The following FGF2 variants were observed in gnomAD, a reference collection of about 807,000 sequenced individuals.
FGF2 encodes fibroblast growth factor 2.
Under a neutral mutation model 15.9 loss-of-function variants are expected in FGF2, and 13 were observed. The ratio of observed to expected loss-of-function variants is 0.82; its 90% CI spans 0.53 to 1.30. FGF2 has a LOEUF of 1.30. FGF2 is among the 50% of genes most tolerant of loss of function. The pLI, the probability that FGF2 is intolerant of heterozygous loss-of-function variation, is 0.00. For missense variants in FGF2, 163 were observed against 196.9 expected (o/e 0.83, Z 1.03); for synonymous variants, 90 against 78.4 (o/e 1.15, Z -0.78).
At chr4:122,869,638 G>A (rs568627299) in intron 1 of FGF2, among the ~76,000 whole-genome samples, 3 of 152,208 alleles carry the variant, frequency 2.0e-5, no homozygotes, top group East Asian at 3.9e-4. Context: ...CTCTCTGCTT[G>A]TCTATTGTTG....
rs1054167739 is a variant in FGF2 at position 122,895,587 on chromosome 4, G to A, written c.*3191G>A. 1 of 152,120 alleles carries A rather than the reference G, an allele frequency of 6.6e-6. No homozygotes were observed. The highest frequency in any genetic ancestry group is 2.4e-5 in the African/African-American group (1 of 41,408). 9.4% of individuals were successfully genotyped at this position (152,120 alleles called of 1,614,324 possible). ...GCAGCAGATACTCTTCCTGCCAGTG[G>A]TAATACGATTTTTTAAGAAGGCAGT... On this transcript the variant is annotated 3_prime_UTR_variant, in exon 3 of 3. Transcript: ENST00000644866.
intron 1 of FGF2, among the ~76,000 whole-genome samples, chr4:122,863,464 G>C (rs1726513202): frequency 6.6e-6 from 1 of 152,068 alleles, no homozygotes; most frequent in South Asian, 2.1e-4. Context: ...GAACAGGCAT[G>C]GCTGTTTCAT....
chr4:122,876,950 T>C (rs1440352388), intron 2 of FGF2, among the ~76,000 whole-genome samples: 2 of 152,132 alleles, frequency 1.3e-5, no homozygotes, highest in Non-Finnish European at 2.9e-5. Flanking sequence ...ACCTGTAAAA[T>C]AGAAACAATG....
intron 1 of FGF2, among the ~76,000 whole-genome samples, chr4:122,833,354 T>C (rs1725803017): frequency 6.6e-6 from 1 of 152,212 alleles, no homozygotes; most frequent in Non-Finnish European, 1.5e-5. Context: ...GAATATTAAG[T>C]GTATGTTCCA....
At chr4:122,881,041 C>T (rs1726952043) in intron 2 of FGF2, among the ~76,000 whole-genome samples, 1 of 152,210 alleles carries the variant, frequency 6.6e-6, no homozygotes, top group Non-Finnish European at 1.5e-5. Context: ...GATGCTTGCA[C>T]CCTCTGAAGC....
chr4:122,878,733 T>G (rs1264448302), intron 2 of FGF2, among the ~76,000 whole-genome samples: 1 of 152,210 alleles, frequency 6.6e-6, no homozygotes, highest in Non-Finnish European at 1.5e-5. Flanking sequence ...CAAGTCATGT[T>G]CTGATCCTGG....
intron 1 of FGF2, among the ~76,000 whole-genome samples, chr4:122,853,801 C>A (rs2926171): frequency 0.1 from 15,163 of 152,158 alleles, 1,744 homozygotes; most frequent in African/African-American, 0.28. Flanking sequence ...AGAATATAAG[C>A]AAAACTTACC....
At position 122,876,342 on chromosome 4, in the gene FGF2, A is replaced by AAG; in HGVS notation, c.207_208dup (p.Gly70GlufsTer17). On this transcript the variant is annotated frameshift_variant, in exon 2 of 3. Coordinates refer to ENST00000644866, the MANE Select transcript of FGF2 (RefSeq NM_001361665.2). LOFTEE classifies it high-confidence loss of function. ...ACAGTCAAGCTACAACTTCAAGCAGAAGAGAGAGGAGTTGTGTCTATCAAA... is the reference window on the plus strand; with the variant it reads ...ACAGTCAAGCTACAACTTCAAGCAGAAGAGAGAGAGGAGTTGTGTCTATCAAA... 6.2e-7 allele frequency: 1 copy of AAG among 1,612,342 alleles called. No homozygotes were observed. Among genetic ancestry groups the AAG allele is most frequent in the South Asian group, 1.1e-5 (1 of 91,032 alleles).
At chr4:122,828,170 C>T (rs922554391) in intron 1 of FGF2, among the ~76,000 whole-genome samples, 1 of 152,170 alleles carries the variant, frequency 6.6e-6, no homozygotes, top group African/African-American at 2.4e-5. Context: ...CTAGAAAGAA[C>T]ACTGGCCTAA....
At chr4:122,842,787 C>T (rs1332962281) in intron 1 of FGF2, among the ~76,000 whole-genome samples, 1 of 152,128 alleles carries the variant, frequency 6.6e-6, no homozygotes, top group African/African-American at 2.4e-5. Flanking sequence ...CTGCTTCTAG[C>T]AAGTATAATA....
intron 1 of FGF2, among the ~76,000 whole-genome samples, chr4:122,864,822 G>T (rs1049650673): frequency 6.6e-6 from 1 of 151,948 alleles, no homozygotes; most frequent in Non-Finnish European, 1.5e-5. Context: ...TCATGAATGT[G>T]CTTATTTTCA....
chr4:122,828,684 A>G (rs1725699565), intron 1 of FGF2, among the ~76,000 whole-genome samples: 1 of 152,240 alleles, frequency 6.6e-6, no homozygotes, highest in African/African-American at 2.4e-5. Context: ...TGCTTCCAAA[A>G]TAGCAACCTG....
intron 1 of FGF2, among the ~76,000 whole-genome samples, chr4:122,845,977 C>A (rs895537046): frequency 6.6e-6 from 1 of 152,170 alleles, no homozygotes; most frequent in African/African-American, 2.4e-5. Flanking sequence ...TAGGCTTAAT[C>A]ATTTCTAGAT....
In FGF2 at chr4:122,897,847, T is replaced by C. The variant is rs1012433660; in HGVS notation, c.*5451T>C. On this transcript the variant is annotated 3_prime_UTR_variant, in exon 3 of 3. Transcript: ENST00000644866. The stretch of plus-strand genomic sequence containing the variant: ...ATCCTTTCTCCCTCGTTTCTTCTTT[T>C]TTTGGGGGAGCTGGTAACTGATGAA... 46 of 595,536 alleles carry C rather than the reference T, an allele frequency of 7.7e-5. No homozygotes were observed. Among genetic ancestry groups the C allele is most frequent in the Middle Eastern group, 4.4e-4 (1 of 2,264 alleles). 36.9% of individuals were successfully genotyped at this position (595,536 alleles called of 1,614,324 possible). A position where few individuals can be genotyped will look rare whatever the true frequency, so the allele number is the denominator to read the frequency against.
chr4:122,838,602 G>A (rs1205990705), intron 1 of FGF2, among the ~76,000 whole-genome samples: 1 of 152,142 alleles, frequency 6.6e-6, no homozygotes, highest in East Asian at 1.9e-4. Context: ...ATTCCGCATG[G>A]ACAAACTAGC....
chr4:122,838,289 G>A (rs1428037002), intron 1 of FGF2, among the ~76,000 whole-genome samples: 1 of 152,170 alleles, frequency 6.6e-6, no homozygotes, highest in African/African-American at 2.4e-5. Flanking sequence ...TGTGGTAGAG[G>A]AAGGGTCAGG....
At position 122,897,535 on chromosome 4, in the gene FGF2, A is replaced by T; in HGVS notation, c.*5139A>T. On this transcript the variant is annotated 3_prime_UTR_variant, in exon 3 of 3. Coordinates refer to ENST00000644866, the MANE Select transcript of FGF2 (RefSeq NM_001361665.2). The stretch of plus-strand genomic sequence containing the variant: ...CAGTCGGAACAAATTGGAAAATTTA[A>T]ATTTTTATTCTTAGCTATAAAGCAA... The T allele has an allele frequency of 1.0e-6, 1 of 968,990 alleles. No individual in the cohort carries two copies. Among genetic ancestry groups the T allele is most frequent in the East Asian group, 2.4e-5 (1 of 41,658 alleles). 60.0% of individuals were successfully genotyped at this position (968,990 alleles called of 1,614,324 possible). A position where few individuals can be genotyped will look rare whatever the true frequency, so the allele number is the denominator to read the frequency against.
chr4:122,838,975 T>C (rs1725921202), intron 1 of FGF2, among the ~76,000 whole-genome samples: 1 of 152,198 alleles, frequency 6.6e-6, no homozygotes, highest in Admixed American at 6.5e-5. Context: ...TATGTTTAGG[T>C]AACACAAATA....
intron 2 of FGF2, among the ~76,000 whole-genome samples, chr4:122,881,541 CT>C (rs1351147434): frequency 6.6e-6 from 1 of 152,202 alleles, no homozygotes; most frequent in Non-Finnish European, 1.5e-5. Context: ...CCACCAGTCT[CT>C]TTGCTAAAAC....
Sources: gnomAD v4.1 joint callset for allele counts (sites outside exome capture counted in the v4.1 genomes callset) on GRCh38, gnomAD v4.1.1 for gene constraint, MANE v1.5 for transcripts, NCBI Gene and HGNC (gene_info 2026-07-23, HGNC 2026-07-21) for gene names.